Variants in WDPCP observed in about 807,000 individuals in gnomAD.
WDPCP encodes the protein WD repeat containing planar cell polarity effector.
In WDPCP, 71 loss-of-function variants were observed where a neutral mutation model predicts 93.1. That is an observed-to-expected ratio of 0.76 (90% CI 0.63 to 0.93). The LOEUF is 0.93. Among genes scored for constraint, WDPCP ranks in the 40% least tolerant of loss-of-function variants. WDPCP has a pLI of 0.00. For synonymous variants in WDPCP, 315 were observed against 315.0 expected (o/e 1.00, Z 0.00); for missense variants, 844 against 887.4 (o/e 0.95, Z 0.62).
At chr2:63,270,420 AT>A (rs1426546609) in intron 13 of WDPCP, among the ~76,000 whole-genome samples, 3 of 150,168 alleles carry the variant, frequency 2.0e-5, no homozygotes, top group Admixed American at 6.6e-5. Context: ...GGACTATTTA[AT>A]TTTTTTTTAT....
At chr2:63,657,338 G>A (rs1293165545) in intron 2 of WDPCP, among the ~76,000 whole-genome samples, 1 of 151,410 alleles carries the variant, frequency 6.6e-6, no homozygotes, top group Non-Finnish European at 1.5e-5. Context: ...CTGAGTAGCT[G>A]GGACTACAGG....
At chr2:63,552,838 A>G (rs1298674476) in intron 1 of WDPCP, among the ~76,000 whole-genome samples, 3 of 152,252 alleles carry the variant, frequency 2.0e-5, no homozygotes, top group Admixed American at 2.0e-4. Flanking sequence ...GCAAACTTTT[A>G]GAAAATAACA....
chr2:63,833,983 A>G, the WDPCP span, among the ~76,000 whole-genome samples: 4 of 152,340 alleles, frequency 2.6e-5, no homozygotes, highest in South Asian at 8.3e-4. Flanking sequence ...ATACACACAC[A>G]CACACACACA....
intron 14 of WDPCP, among the ~76,000 whole-genome samples, chr2:63,192,616 G>A (rs1359771603): frequency 1.3e-5 from 2 of 152,180 alleles, no homozygotes; most frequent in African/African-American, 4.8e-5. Context: ...AGTGGCAGAA[G>A]AATCAAGGTT....
intron 15 of WDPCP, among the ~76,000 whole-genome samples, chr2:63,160,937 A>G (rs886525810): frequency 3.3e-5 from 5 of 152,180 alleles, no homozygotes; most frequent in Non-Finnish European, 5.9e-5. Context: ...CAAAGCAACA[A>G]TTTCCCCAAA....
intron 2 of WDPCP, among the ~76,000 whole-genome samples, chr2:63,687,532 T>C (rs1054018965): frequency 1.3e-5 from 2 of 152,124 alleles, no homozygotes; most frequent in Admixed American, 6.6e-5. Context: ...AAGATGTGCA[T>C]AGACGTTTCT....
At chr2:63,604,892 C>T in intron 3 of WDPCP, 1 of 1,612,154 alleles carries the variant, frequency 6.2e-7, no homozygotes, top group Non-Finnish European at 8.5e-7. Context: ...ATCTGTGAGC[C>T]TTCTTAACAC....
intron 6 of WDPCP, among the ~76,000 whole-genome samples, chr2:63,469,001 GA>G (rs879116275): frequency 1.6e-4 from 20 of 124,196 alleles, no homozygotes; most frequent in South Asian, 1.0e-3. Flanking sequence ...TTAAATACAA[GA>G]AAAAAAAAAG....
At chr2:63,349,391 G>T (rs1158270363) in intron 12 of WDPCP, among the ~76,000 whole-genome samples, 5 of 151,840 alleles carry the variant, frequency 3.3e-5, no homozygotes, top group African/African-American at 1.2e-4. Context: ...TTTTATTTTA[G>T]TTAATTTAAA....
intron 2 of WDPCP, among the ~76,000 whole-genome samples, chr2:63,714,745 C>G (rs987691386): frequency 1.3e-5 from 2 of 152,200 alleles, no homozygotes; most frequent in Non-Finnish European, 2.9e-5. Context: ...AGGAGAATCC[C>G]TTGAACCCAG....
At chr2:63,492,532 T>G (rs1575520323) in intron 2 of WDPCP, among the ~76,000 whole-genome samples, 1 of 151,892 alleles carries the variant, frequency 6.6e-6, no homozygotes, top group Non-Finnish European at 1.5e-5. Context: ...AGAGGCAGGG[T>G]CTCGCTCTGT....
intron 14 of WDPCP, among the ~76,000 whole-genome samples, chr2:63,251,398 A>C (rs976013778): frequency 2.6e-5 from 4 of 151,578 alleles, no homozygotes; most frequent in Non-Finnish European, 5.9e-5. Flanking sequence ...GAAACACACA[A>C]CCTCCCAAGA....
At chr2:63,261,177 T>C (rs1407408430) in intron 13 of WDPCP, among the ~76,000 whole-genome samples, 1 of 122,446 alleles carries the variant, frequency 8.2e-6, no homozygotes, top group Non-Finnish European at 1.6e-5. Flanking sequence ...TCGAAAGGTT[T>C]TTTTTTTTTC....
At chr2:63,574,844 G>A (rs1401591557) in intron 1 of WDPCP, among the ~76,000 whole-genome samples, 6 of 152,120 alleles carry the variant, frequency 3.9e-5, no homozygotes, top group African/African-American at 1.2e-4. Context: ...CCATAGAAAT[G>A]CAAATTATGT....
chr2:63,180,088 A>T (rs1298311463), intron 14 of WDPCP, among the ~76,000 whole-genome samples: 3 of 152,214 alleles, frequency 2.0e-5, no homozygotes, highest in Non-Finnish European at 4.4e-5. Context: ...GTTCTCATTT[A>T]TAAATAGGAG....
chr2:63,787,694 A>G (rs990617507), intron 2 of WDPCP, among the ~76,000 whole-genome samples: 1 of 152,194 alleles, frequency 6.6e-6, no homozygotes, highest in Non-Finnish European at 1.5e-5. Flanking sequence ...TATAGTAAAT[A>G]TAAATAATTA....
At chr2:63,141,310 C>G (rs891356846) in intron 17 of WDPCP, among the ~76,000 whole-genome samples, 5 of 152,212 alleles carry the variant, frequency 3.3e-5, no homozygotes, top group African/African-American at 1.2e-4. Flanking sequence ...AACTCCTGAC[C>G]TCGTGATCCA....
intron 3 of WDPCP, among the ~76,000 whole-genome samples, chr2:63,625,092 A>T (rs779026459): frequency 2.0e-5 from 3 of 152,220 alleles, no homozygotes; most frequent in Non-Finnish European, 2.9e-5. Context: ...TGAATATCTC[A>T]ACAGATGCAG....
chr2:63,525,362 A>G (rs1425738758), intron 1 of WDPCP, among the ~76,000 whole-genome samples: 2 of 152,180 alleles, frequency 1.3e-5, no homozygotes, highest in Admixed American at 6.5e-5. Context: ...ATTTACCTAT[A>G]TAACAAACCT....
Sources: gnomAD v4.1 joint callset for allele counts (sites outside exome capture counted in the v4.1 genomes callset) on GRCh38, gnomAD v4.1.1 for gene constraint, MANE v1.5 for transcripts, NCBI Gene and HGNC (gene_info 2026-07-23, HGNC 2026-07-21) for gene names.